Variants in GRAMD2B observed in about 807,000 individuals in gnomAD.
GRAMD2B encodes the protein GRAM domain containing 2B.
Under a neutral mutation model 59.2 loss-of-function variants are expected in GRAMD2B, and 41 were observed. That is an observed-to-expected ratio of 0.69 (90% CI 0.54 to 0.90). GRAMD2B has a LOEUF of 0.90. Ranked by LOEUF, GRAMD2B falls within the 40% of genes least tolerant of loss-of-function variation. The pLI is 0.00. For synonymous variants in GRAMD2B, 161 were observed against 182.7 expected (o/e 0.88, Z 0.96); for missense variants, 424 against 500.5 (o/e 0.85, Z 1.46).
intron 1 of GRAMD2B, among the ~76,000 whole-genome samples, chr5:126,440,955 C>T (rs532312391): frequency 6.6e-6 from 1 of 152,078 alleles, no homozygotes; most frequent in South Asian, 2.1e-4. Flanking sequence ...TCCTATTATA[C>T]AAAATTCTAT....
At chr5:126,371,282 T>G (rs1754737025), upstream of GRAMD2B, 2 of 1,104,126 alleles carry the variant, frequency 1.8e-6, no homozygotes, top group Non-Finnish European at 2.2e-6. Context: ...TTAACTGACT[T>G]TTAAAAACAT....
At chr5:126,459,984 A>T (rs1333275353) in intron 1 of GRAMD2B, among the ~76,000 whole-genome samples, 1 of 152,246 alleles carries the variant, frequency 6.6e-6, no homozygotes, top group South Asian at 2.1e-4. Context: ...CAATGTTGTT[A>T]GTATTTGCAA....
intron 8 of GRAMD2B, chr5:126,480,988 T>C (rs889453838): frequency 2.2e-6 from 1 of 456,466 alleles, no homozygotes. Flanking sequence ...AATCTTGCTC[T>C]GTTTGCTTGT....
intron 1 of GRAMD2B, among the ~76,000 whole-genome samples, chr5:126,383,079 C>T (rs1028005944): frequency 5.9e-5 from 9 of 152,196 alleles, no homozygotes; most frequent in African/African-American, 1.9e-4. Flanking sequence ...GATACCAGCA[C>T]CTTCCCCAGT....
At chr5:126,464,950 A>C (rs918466538) in intron 1 of GRAMD2B, 3 of 515,458 alleles carry the variant, frequency 5.8e-6, no homozygotes, top group African/African-American at 4.1e-5. Flanking sequence ...AAGATTAGAG[A>C]CTGTAAATTG....
intron 1 of GRAMD2B, among the ~76,000 whole-genome samples, chr5:126,385,496 G>C (rs746917886): frequency 6.6e-6 from 1 of 152,152 alleles, no homozygotes; most frequent in Non-Finnish European, 1.5e-5. Context: ...ATAGGAAAGA[G>C]ATAACCATTT....
intron 1 of GRAMD2B, among the ~76,000 whole-genome samples, chr5:126,387,912 G>A (rs1461090350): frequency 6.6e-6 from 1 of 152,184 alleles, no homozygotes; most frequent in Non-Finnish European, 1.5e-5. Context: ...CAAAGCTAAT[G>A]AAGCTGAAAC....
At chr5:126,420,305 G>A (rs577366519), upstream of GRAMD2B, among the ~76,000 whole-genome samples, 206 of 152,044 alleles carry the variant, frequency 1.4e-3, 1 homozygote, top group African/African-American at 4.6e-3. Flanking sequence ...TTTATCTGCC[G>A]TGCCTCTTGA....
chr5:126,452,030 A>C (rs916562077), intron 1 of GRAMD2B, among the ~76,000 whole-genome samples: 1 of 152,094 alleles, frequency 6.6e-6, no homozygotes, highest in Non-Finnish European at 1.5e-5. Context: ...TATGCTTCCT[A>C]GACAGCCTGC....
rs2149692920 is a variant in GRAMD2B, at chr5:126,372,605, T to G, written c.125+1038T>G. Reference sequence around the variant, plus strand: ...ACCAAAAAAGTGAATGTGTGCAAATTGTTTTGTAATATATCTATTTTCAAG... The same window carrying G: ...ACCAAAAAAGTGAATGTGTGCAAATGGTTTTGTAATATATCTATTTTCAAG... On this transcript the variant is annotated intron_variant, in intron 1 of 8. Transcript: ENST00000506445. 2.0e-5 allele frequency among the ~76,000 whole-genome samples: 3 copies of G among 152,292 alleles called. No individual in the cohort carries two copies. The South Asian group carries it at 6.2e-4, about 32-fold the overall frequency.
chr5:126,459,184 A>G (rs1413397253), intron 1 of GRAMD2B: 1 of 152,204 alleles, frequency 6.6e-6, no homozygotes, highest in East Asian at 1.9e-4. Flanking sequence ...TATATTTTTG[A>G]CACTCCTTTT....
chr5:126,470,671 G>C (rs1769388815), intron 3 of GRAMD2B, among the ~76,000 whole-genome samples: 1 of 151,954 alleles, frequency 6.6e-6, no homozygotes. Context: ...TGAGTCTCAT[G>C]ACTCAACCAT....
Position 126,480,652 on chromosome 5 carries a change from A to G in GRAMD2B, c.680A>G (p.Asn227Ser). Residue 227 changes from asparagine to serine, a missense_variant, in exon 8 of 14, where the codon AAT becomes AGT. Transcript: ENST00000285689. ...LENTSVGNSP[N>S]PSSAENSFRA... ...AATACAAGTGTTGGTAACAGTCCCA[A>G]TCCATCTTCTGCTGAAAACAGTTTC... 1 of 1,614,100 alleles carries G rather than the reference A, an allele frequency of 6.2e-7. No individual in the cohort carries two copies. The highest frequency in any genetic ancestry group is 1.3e-5 in the African/African-American group (1 of 75,024).
At position 126,465,105 on chromosome 5, in the gene GRAMD2B, C is replaced by T. The variant is rs76633653; in HGVS notation, c.84-321C>T. 2.6e-3 allele frequency: 3,013 copies of T among 1,180,604 alleles called. 55 individuals carry two copies. In the African/African-American group the frequency reaches 0.042, roughly 17 times the overall value. The allele number at this position is 1,180,604 out of a possible 1,614,324, so 73.1% of individuals were successfully genotyped here. A position where few individuals can be genotyped will look rare whatever the true frequency, so the allele number is the denominator to read the frequency against. ...CATGTGCGTGTGTGCTTGTGCAGGG[C>T]GCTCCCAGCCTCCAGGTGATCTGCT... is the stretch of plus-strand genomic sequence containing the variant. On this transcript the variant is annotated intron_variant, in intron 1 of 13. Transcript: ENST00000285689.
At position 126,477,711 on chromosome 5, in the gene GRAMD2B, C is replaced by T. The variant is rs370875660; in HGVS notation, c.506C>T (p.Ser169Leu). The change falls in exon 6 of 14, where the codon TCG (serine) becomes TTG (leucine). Residue 169 changes from serine to leucine, a missense_variant. Ser to Leu is a moderately radical substitution (Grantham distance 145, BLOSUM62 -2). Transcript: ENST00000285689. ...TTTCAGATCTCTATTCCAGCTTTCT[C>T]GGTAACCCTAATAAAGAAAACCAAA... is the stretch of plus-strand genomic sequence containing the variant. The part of the protein sequence containing the change: ...KDTKISIPAF[S>L]VTLIKKTKTA... The T allele has an allele frequency of 1.7e-5, 28 of 1,605,550 alleles. No homozygotes were observed. Among genetic ancestry groups the T allele is most frequent in the Middle Eastern group, 1.7e-4 (1 of 6,056 alleles).
chr5:126,374,396 T>A (rs1755014930), intron 1 of GRAMD2B, among the ~76,000 whole-genome samples: 1 of 152,220 alleles, frequency 6.6e-6, no homozygotes, highest in South Asian at 2.1e-4. Context: ...TTTATATCCC[T>A]TTTGGAGGAA....
At chr5:126,422,918 C>CA (rs1290699242), upstream of GRAMD2B, among the ~76,000 whole-genome samples, 3 of 150,550 alleles carry the variant, frequency 2.0e-5, no homozygotes, top group Non-Finnish European at 4.4e-5. Flanking sequence ...TCTAACCACC[C>CA]CCCCCACCCC....
chr5:126,439,949 G>A (rs1029988908), intron 1 of GRAMD2B, among the ~76,000 whole-genome samples: 12 of 152,042 alleles, frequency 7.9e-5, no homozygotes, highest in Non-Finnish European at 1.6e-4. Context: ...ACGTGCCTTT[G>A]CTCCTCCTTC....
intron 1 of GRAMD2B, among the ~76,000 whole-genome samples, chr5:126,400,434 GTTA>G (rs1757724129): frequency 6.6e-6 from 1 of 151,958 alleles, no homozygotes; most frequent in South Asian, 2.1e-4. Flanking sequence ...TATAGCTGTA[GTTA>G]TTTTTAATAC....
Sources: allele counts gnomAD v4.1 joint callset (sites outside exome capture counted in the v4.1 genomes callset), GRCh38; gene constraint gnomAD v4.1.1; transcripts MANE v1.5; gene names NCBI Gene and HGNC (gene_info 2026-07-23, HGNC 2026-07-21).